The following GRM7 variants were observed in gnomAD, a reference collection of about 807,000 sequenced individuals.
GRM7 encodes the protein glutamate metabotropic receptor 7.
In GRM7, 35 loss-of-function variants were observed where a neutral mutation model predicts 84.5. The observed-to-expected ratio is 0.41, with a 90% CI of 0.32 to 0.55. The LOEUF (loss-of-function observed/expected upper bound fraction) is 0.55, where lower values mean the gene tolerates loss of function less well. Ranked by LOEUF, GRM7 falls within the 20% of genes least tolerant of loss-of-function variation. The probability of loss-of-function intolerance (pLI) is 0.19; values close to 1 mark genes in which losing one functional copy is unlikely to be tolerated. For missense variants in GRM7, 1,003 were observed against 1,194.6 expected (o/e 0.84, Z 2.36); for synonymous variants, 487 against 455.1 (o/e 1.07, Z -0.89).
At chr3:7,532,803 CAAA>C (rs36040168) in intron 7 of GRM7, among the ~76,000 whole-genome samples, 3 of 70,642 alleles carry the variant, frequency 4.2e-5, no homozygotes, top group African/African-American at 6.1e-5. Context: ...AAAGGGAAAG[CAAA>C]AAAAAAAAAA....
At chr3:6,953,885 A>G (rs1216328433) in intron 1 of GRM7, among the ~76,000 whole-genome samples, 1 of 152,028 alleles carries the variant, frequency 6.6e-6, no homozygotes, top group African/African-American at 2.4e-5. Context: ...AAATGAGATA[A>G]TTCATGTGAG....
Position 7,407,162 on chromosome 3 carries a change from A to G in GRM7, c.1034-7861A>G, listed in dbSNP as rs146185502. Among the ~76,000 whole-genome samples, 96 of 152,294 alleles carry G rather than the reference A, an allele frequency of 6.3e-4. 1 individual carries two copies. The highest frequency in any genetic ancestry group is 2.2e-3 in the African/African-American group (91 of 41,570). The stretch of plus-strand genomic sequence containing the variant: ...ATTTAATCACTAAGGCAGGGGTTCA[A>G]GTTGGCATTGCCATGAGGTAGGGTA... On this transcript the variant is annotated intron_variant, in intron 4 of 9. Coordinates refer to ENST00000357716, the MANE Select transcript of GRM7 (RefSeq NM_000844.4).
At chr3:7,233,672 G>A (rs1279365850) in intron 2 of GRM7, among the ~76,000 whole-genome samples, 1 of 152,140 alleles carries the variant, frequency 6.6e-6, no homozygotes. Flanking sequence ...CCTTGTTTGA[G>A]TGAAGAAAAG....
chr3:7,032,283 A>G (rs1203882043), intron 1 of GRM7, among the ~76,000 whole-genome samples: 1 of 152,228 alleles, frequency 6.6e-6, no homozygotes, highest in African/African-American at 2.4e-5. Flanking sequence ...TGTGGCTTTC[A>G]GCCCAAACTG....
At chr3:6,894,938 C>T (rs1047604091) in intron 1 of GRM7, among the ~76,000 whole-genome samples, 7 of 152,136 alleles carry the variant, frequency 4.6e-5, no homozygotes, top group Non-Finnish European at 7.4e-5. Flanking sequence ...TAAACAGAGG[C>T]CAGTGCTCTT....
intron 8 of GRM7, among the ~76,000 whole-genome samples, chr3:7,646,197 A>G (rs1289719426): frequency 2.6e-5 from 4 of 151,790 alleles, no homozygotes; most frequent in South Asian, 4.2e-4. Context: ...TGTTATTATT[A>G]TTATTATTAT....
At chr3:7,372,976 T>C (rs1212925292) in intron 4 of GRM7, among the ~76,000 whole-genome samples, 1 of 152,162 alleles carries the variant, frequency 6.6e-6, no homozygotes, top group African/African-American at 2.4e-5. Context: ...TAAGCCAGCA[T>C]AGTTCAAGTT....
chr3:7,213,245 A>G (rs941622280), intron 2 of GRM7, among the ~76,000 whole-genome samples: 2 of 152,212 alleles, frequency 1.3e-5, no homozygotes, highest in Admixed American at 1.3e-4. Context: ...TCATCTTGAT[A>G]TGAAAATTGG....
intron 1 of GRM7, among the ~76,000 whole-genome samples, chr3:6,970,844 T>C (rs577743936): frequency 1.3e-5 from 2 of 152,052 alleles, no homozygotes; most frequent in South Asian, 2.1e-4. Context: ...TAGCCGGGCG[T>C]GGTGGCGGGC....
chr3:7,181,085 T>C (rs1022072096), intron 2 of GRM7, among the ~76,000 whole-genome samples: 1 of 152,182 alleles, frequency 6.6e-6, no homozygotes, highest in African/African-American at 2.4e-5. Context: ...ATTAACCATA[T>C]TTTTATCATA....
chr3:7,282,039 C>T (rs1184557377), intron 2 of GRM7, among the ~76,000 whole-genome samples: 4 of 152,056 alleles, frequency 2.6e-5, no homozygotes, highest in African/African-American at 9.7e-5. Flanking sequence ...GCAGAGATTG[C>T]GCCACTGCAC....
At chr3:7,159,285 A>G (rs188256759) in intron 2 of GRM7, among the ~76,000 whole-genome samples, 3 of 152,212 alleles carry the variant, frequency 2.0e-5, no homozygotes. Context: ...ACGAAGATTC[A>G]GGTGAAATAT....
At chr3:7,060,871 A>G (rs1295547735) in intron 1 of GRM7, among the ~76,000 whole-genome samples, 1 of 151,754 alleles carries the variant, frequency 6.6e-6, no homozygotes, top group Non-Finnish European at 1.5e-5. Context: ...GTGTCCTATC[A>G]TTGTTTATCT....
In GRM7 at chr3:6,890,601, T is replaced by C. The variant is rs1030202299; in HGVS notation, c.519+28694T>C. Among the ~76,000 whole-genome samples the C allele has an allele frequency of 1.1e-4, 17 of 152,288 alleles. No individual in the cohort carries two copies. In the East Asian group the frequency reaches 2.5e-3, roughly 22 times the overall value. On this transcript the variant is annotated intron_variant, in intron 1 of 9. Coordinates refer to ENST00000357716, the MANE Select transcript of GRM7 (RefSeq NM_000844.4). ...ATTGCACTGTGGTCTGAGAGACAGTTTGTTGTAATTTCTGATCTTTTACAT... is the reference window on the plus strand; with the variant it reads ...ATTGCACTGTGGTCTGAGAGACAGTCTGTTGTAATTTCTGATCTTTTACAT...
chr3:7,607,606 A>T (rs1696642814), intron 8 of GRM7: 1 of 152,110 alleles, frequency 6.6e-6, no homozygotes, highest in African/African-American at 2.4e-5. Flanking sequence ...TTATCTTGTA[A>T]CCAAAGTAAA....
chr3:7,005,735 A>T (rs1411131342), intron 1 of GRM7, among the ~76,000 whole-genome samples: 3 of 152,210 alleles, frequency 2.0e-5, no homozygotes, highest in Non-Finnish European at 4.4e-5. Context: ...ATACAGAAAA[A>T]TCCAGATGCA....
Position 7,138,964 on chromosome 3 carries a change from C to T in GRM7, c.520-7488C>T, listed in dbSNP as rs1270996700. 6.0e-5 allele frequency among the ~76,000 whole-genome samples: 9 copies of T among 150,324 alleles called. No homozygotes were observed. The East Asian group carries it at 1.6e-3, about 26-fold the overall frequency. ...TAGGCACATTATAGATAATTAACTA[C>T]TACTGTTAAGTTTGACCAAAATTTC... On this transcript the variant is annotated intron_variant, in intron 1 of 9. Coordinates refer to ENST00000357716, the MANE Select transcript of GRM7 (RefSeq NM_000844.4).
chr3:6,950,835 G>T (rs1692720999), intron 1 of GRM7, among the ~76,000 whole-genome samples: 1 of 152,188 alleles, frequency 6.6e-6, no homozygotes, highest in African/African-American at 2.4e-5. Context: ...GAGGCTCCAT[G>T]GGCGTAGGAC....
chr3:7,238,095 T>C (rs749564305), intron 2 of GRM7, among the ~76,000 whole-genome samples: 11 of 152,276 alleles, frequency 7.2e-5, no homozygotes, highest in Middle Eastern at 3.4e-3. Flanking sequence ...CACCATAGTA[T>C]TGAATCAAAA....
Sources: allele counts gnomAD v4.1 joint callset (sites outside exome capture counted in the v4.1 genomes callset), GRCh38; gene constraint gnomAD v4.1.1; transcripts MANE v1.5; gene names NCBI Gene and HGNC (gene_info 2026-07-23, HGNC 2026-07-21).